The following EIF4A3 variants were observed in gnomAD, a reference collection of about 807,000 sequenced individuals.
EIF4A3 encodes the protein eukaryotic translation initiation factor 4A3.
Under a neutral mutation model 55.6 loss-of-function variants are expected in EIF4A3, and 1 was observed. The observed-to-expected ratio is 0.02, with a 90% confidence interval of 0.01 to 0.09. The LOEUF is 0.09. EIF4A3 is among the 10% of genes least tolerant of loss of function. EIF4A3 has a pLI of 1.00. For missense variants in EIF4A3, 221 were observed against 540.7 expected (o/e 0.41, Z 5.86); for synonymous variants, 194 against 196.3 (o/e 0.99, Z 0.10).
intron 11 of EIF4A3, 111 bp downstream of exon 11, chr17:80,135,893 T>A: frequency 1.4e-6 from 2 of 1,458,792 alleles, no homozygotes; most frequent in South Asian, 2.6e-5. Context: ...AAACTTCGTC[T>A]CAAAAACAAA....
At position 80,135,042 on chromosome 17, in the gene EIF4A3, C is replaced by T. The variant is rs887785725; in HGVS notation, c.*448G>A. On this transcript the variant is annotated 3_prime_UTR_variant, in exon 12 of 12. Transcript: ENST00000649764. ...TGGCGGCCGCCTGTACTCCCAGCTA[C>T]GTGGGAGGCTGAGGTAGGAGAATGG... 6.6e-6 allele frequency among the ~76,000 whole-genome samples: 1 copy of T among 151,138 alleles called. No individual in the cohort carries two copies. The highest frequency in any genetic ancestry group is 2.4e-5 in the African/African-American group (1 of 41,058).
intron 9 of EIF4A3, chr17:80,137,061 C>T (rs1017638274): frequency 4.7e-6 from 1 of 212,740 alleles, no homozygotes; most frequent in African/African-American, 2.3e-5. Flanking sequence ...CCACCCAATC[C>T]ACGCTTTCTG....
chr17:80,138,150 T>G lies in EIF4A3; in HGVS notation c.859A>C (p.Lys287Gln). ...ITQAVIFCNT[K>Q]RKVDWLTEKM... ...TGTGCAGTGCCTCTTACCTTTCTTT[T>G]GGTGTTGCAGAAGATGACCGCCTGA... The change falls in exon 8 of 12, where the codon AAA (lysine) becomes CAA (glutamine). Residue 287 changes from lysine (K) to glutamine (Q), a missense_variant. By Grantham distance (53) the Lys-to-Gln change is moderately conservative (BLOSUM62 1). Around this residue, in one of 4 missense-constraint regions of EIF4A3, gnomAD observed 93 missense variants for 278.5 expected, o/e 0.33. Coordinates refer to ENST00000649764, the MANE Select transcript of EIF4A3 (RefSeq NM_014740.4). The G allele has an allele frequency of 1.9e-6, 3 of 1,613,954 alleles. No individual in the cohort carries two copies. The highest frequency in any genetic ancestry group is 2.5e-6 in the Non-Finnish European group (3 of 1,179,860).
Position 80,147,047 on chromosome 17 carries a change from C to CTGCCGCTGCCGCCCTCGCTG in EIF4A3, c.-87_-86insCAGCGAGGGCGGCAGCGGCA. On this transcript the variant is annotated 5_prime_UTR_variant, in exon 1 of 12. Coordinates refer to ENST00000649764, the MANE Select transcript of EIF4A3 (RefSeq NM_014740.4). Reference sequence around the variant, plus strand: ...CCTCGCTGTGCCGCTGCCGACCTCGCTGCCGCTGCCGACCTCGCTGTGCCG... The same window carrying CTGCCGCTGCCGCCCTCGCTG: ...CCTCGCTGTGCCGCTGCCGACCTCGCTGCCGCTGCCGCCCTCGCTGTGCCGCTGCCGACCTCGCTGTGCCG... The CTGCCGCTGCCGCCCTCGCTG allele has an allele frequency of 2.6e-6, 3 of 1,155,614 alleles. No individual in the cohort carries two copies. The highest frequency in any genetic ancestry group is 1.9e-5 in the South Asian group (1 of 53,248). The allele number at this position is 1,155,614 out of a possible 1,614,324, so 71.6% of individuals were successfully genotyped here.
At chr17:80,145,943 CTT>C (rs775700881) in intron 1 of EIF4A3, among the ~76,000 whole-genome samples, 27 of 152,304 alleles carry the variant, frequency 1.8e-4, no homozygotes, top group Middle Eastern at 3.4e-3. Flanking sequence ...TCCCAACTCT[CTT>C]GTTTCCTCTC....
Position 80,140,889 on chromosome 17 carries a change from C to G in EIF4A3, c.372+430G>C, listed in dbSNP as rs4889832. On this transcript the variant is annotated intron_variant, in intron 4 of 11. Coordinates refer to ENST00000649764, the MANE Select transcript of EIF4A3 (RefSeq NM_014740.4). ...TCAGCTCACTGCAACCTCTGCCTCCCGGGTTCAAGTGATTCTCCTGCTCAG... is the reference window on the plus strand; with the variant it reads ...TCAGCTCACTGCAACCTCTGCCTCCGGGGTTCAAGTGATTCTCCTGCTCAG... 9.9e-5 allele frequency among the ~76,000 whole-genome samples: 15 copies of G among 151,872 alleles called. No individual in the cohort carries two copies. The South Asian group carries it at 2.9e-3, about 30-fold the overall frequency.
chr17:80,137,275 GA>G (rs1271886301), intron 9 of EIF4A3, 110 bp downstream of exon 9: 23 of 918,814 alleles, frequency 2.5e-5, no homozygotes, highest in Non-Finnish European at 3.2e-5. Context: ...TTTCAGAGCA[GA>G]AGCTTGGCAT....
intron 8 of EIF4A3, 57 bp from the exon 9 acceptor site, chr17:80,137,558 C>A: frequency 7.2e-7 from 1 of 1,380,576 alleles, no homozygotes. Flanking sequence ...CAGAGATGTG[C>A]ATTCGGGACT....
intron 2 of EIF4A3, 64 bp downstream of exon 2, chr17:80,144,108 A>T: frequency 6.8e-7 from 1 of 1,475,974 alleles, no homozygotes; most frequent in Non-Finnish European, 9.5e-7. Flanking sequence ...ATCCCAGAGC[A>T]TCTAACTGCA....
intron 8 of EIF4A3, 145 bp downstream of exon 8, chr17:80,137,997 C>A (rs2039586916): frequency 1.3e-5 from 14 of 1,085,442 alleles, no homozygotes; most frequent in Non-Finnish European, 1.9e-5. Context: ...ATATTGTCTA[C>A]AGCTGCTTTT....
Position 80,138,170 on chromosome 17 carries a change from G to C in EIF4A3, c.839C>G (p.Ala280Gly), listed in dbSNP as rs751807674. The C allele has an allele frequency of 1.2e-6, 2 of 1,614,062 alleles. No homozygotes were observed. Among genetic ancestry groups the C allele is most frequent in the Non-Finnish European group, 1.7e-6 (2 of 1,179,988 alleles). Residue 280 changes from alanine (A) to glycine (G), a missense_variant, in exon 8 of 12, where the codon GCG (alanine) becomes GGG (glycine). Around this residue, in one of 4 missense-constraint regions of EIF4A3, gnomAD observed 93 missense variants for 278.5 expected, o/e 0.33. Transcript: ENST00000649764. ...DLYDTLTITQ[A>G]VIFCNTKRKV... ...TCTTTTGGTGTTGCAGAAGATGACC[G>C]CCTGAGTGATGGTCAGTGTGTCGTA...
chr17:80,135,965 T>G (rs765423401), intron 11 of EIF4A3, 39 bp downstream of exon 11: 1 of 1,596,796 alleles, frequency 6.3e-7, no homozygotes, highest in South Asian at 1.1e-5. Context: ...AATAGGGAAG[T>G]TCCCTCTACA....
intron 2 of EIF4A3, among the ~76,000 whole-genome samples, chr17:80,142,180 C>T (rs1273254009): frequency 2.6e-5 from 4 of 152,148 alleles, no homozygotes; most frequent in Admixed American, 2.6e-4. Flanking sequence ...GACTAACTCT[C>T]TCTTCCAAAG....
rs1426229656 is a variant in EIF4A3 at position 80,139,764 on chromosome 17, T to C, written c.506-14A>G. On this transcript the variant is annotated splice_polypyrimidine_tract_variant and intron_variant, in intron 5 of 11. Transcript: ENST00000649764. ...GACGAATCATATCTATAACATGAGA[T>C]TTTGAAATACTTACGACAAATCACA... 3 of 1,610,080 alleles carry C rather than the reference T, an allele frequency of 1.9e-6. No individual in the cohort carries two copies. Among genetic ancestry groups the C allele is most frequent in the East Asian group, 2.2e-5 (1 of 44,874 alleles).
chr17:80,137,736 G>T, intron 8 of EIF4A3: 2 of 498,980 alleles, frequency 4.0e-6, no homozygotes, highest in African/African-American at 2.0e-5. Context: ...GGGGGGAGGG[G>T]GCCAGGTGTG....
At chr17:80,139,810 TCA>T in intron 5 of EIF4A3, 60 bp from the exon 6 acceptor site, 1 of 1,568,972 alleles carries the variant, frequency 6.4e-7, no homozygotes, top group Non-Finnish European at 8.7e-7. Flanking sequence ...TTTGAAATAA[TCA>T]CACCTGAGGC....
intron 4 of EIF4A3, 36 bp downstream of exon 4, chr17:80,141,277 CAGTACT>C: frequency 6.4e-7 from 1 of 1,565,430 alleles, no homozygotes; most frequent in South Asian, 1.1e-5. Flanking sequence ...ATCACAAAAG[CAGTACT>C]TGTTAATCGG....
chr17:80,139,221 G>C (rs903277434), intron 6 of EIF4A3, 59 bp from the exon 7 acceptor site: 345 of 1,601,624 alleles, frequency 2.2e-4, no homozygotes, highest in Non-Finnish European at 2.8e-4. Flanking sequence ...AGAAATGGAA[G>C]GTGCACGCCC....
rs750833362 is a variant in EIF4A3, at chr17:80,137,514, T to C, written c.868-13A>G. On this transcript the variant is annotated splice_polypyrimidine_tract_variant and intron_variant, in intron 8 of 11. Coordinates refer to ENST00000649764, the MANE Select transcript of EIF4A3 (RefSeq NM_014740.4). ...TCAGCCAGTCCACCTACAAATCCAA[T>C]CAACAGATGCTACTGCAAGCTAGTA... 7 of 1,608,054 alleles carry C rather than the reference T, an allele frequency of 4.4e-6. No individual in the cohort carries two copies. In the East Asian group the frequency reaches 6.7e-5, roughly 15 times the overall value.
Sources: allele counts gnomAD v4.1 joint callset (sites outside exome capture counted in the v4.1 genomes callset), GRCh38; gene constraint gnomAD v4.1.1; regional missense constraint gnomAD v4.1.1; transcripts MANE v1.5; gene names NCBI Gene and HGNC (gene_info 2026-07-23, HGNC 2026-07-21).